ABLIM1: variants seen among roughly 807,000 people sequenced by gnomAD.
The protein encoded by ABLIM1 is actin binding LIM protein 1, also known as actin-binding LIM protein 1.
A neutral mutation model predicts 107.0 loss-of-function variants in ABLIM1; 40 were observed. That is an observed-to-expected ratio of 0.37 (90% CI 0.29 to 0.49). The LOEUF is 0.49. ABLIM1 is among the 20% of genes least tolerant of loss of function. The pLI, the probability that ABLIM1 is intolerant of heterozygous loss-of-function variation, is 0.97. For synonymous variants in ABLIM1, 357 were observed against 357.3 expected (o/e 1.00, Z 0.01); for missense variants, 857 against 1,008.5 (o/e 0.85, Z 2.04).
chr10:114,689,425 G>A (rs1201612049), upstream of ABLIM1, among the ~76,000 whole-genome samples: 1 of 143,630 alleles, frequency 7.0e-6, no homozygotes. Context: ...GCAGTGGCTC[G>A]ATCTCGGCTC....
At chr10:114,736,476 T>C (rs973656490) in intron 1 of ABLIM1, among the ~76,000 whole-genome samples, 6 of 152,192 alleles carry the variant, frequency 3.9e-5, no homozygotes, top group Non-Finnish European at 7.3e-5. Flanking sequence ...ATAAAAGCAA[T>C]GATTATACAT....
chr10:114,759,783 C>T (rs1390494011), intron 1 of ABLIM1, among the ~76,000 whole-genome samples: 1 of 152,166 alleles, frequency 6.6e-6, no homozygotes, highest in African/African-American at 2.4e-5. Context: ...GGCATGCTGG[C>T]TAGAAACACT....
intron 1 of ABLIM1, among the ~76,000 whole-genome samples, chr10:114,740,466 T>C (rs2082264530): frequency 6.6e-6 from 1 of 152,012 alleles, no homozygotes; most frequent in Admixed American, 6.6e-5. Context: ...GAAATCTTTC[T>C]TACTCTACCG....
At chr10:114,588,030 A>G (rs2074385186) in intron 2 of ABLIM1, among the ~76,000 whole-genome samples, 2 of 152,212 alleles carry the variant, frequency 1.3e-5, no homozygotes, top group South Asian at 4.1e-4. Flanking sequence ...ATGAAGGCAG[A>G]GATCACGTCT....
At chr10:114,676,757 T>C in intron 1 of ABLIM1, among the ~76,000 whole-genome samples, 1 of 152,078 alleles carries the variant, frequency 6.6e-6, no homozygotes, top group East Asian at 1.9e-4. Context: ...CTTTTTTCTT[T>C]GAGATGGAGT....
chr10:114,684,772 T>G, exon 1 of ABLIM1: 1 of 958,276 alleles, frequency 1.0e-6, no homozygotes, highest in Non-Finnish European at 1.2e-6. Context: ...ATCACTATCA[T>G]TTCACAATAA....
intron 11 of ABLIM1, 77 bp downstream of exon 11, chr10:114,468,104 A>G (rs2065576560): frequency 1.5e-6 from 2 of 1,348,752 alleles, no homozygotes; most frequent in East Asian, 4.6e-5. Context: ...GTTCTTTTTC[A>G]AAAATCCCAG....
At chr10:114,440,057 T>A (rs370927978) in intron 20 of ABLIM1, 25 bp downstream of exon 20, 7 of 1,613,708 alleles carry the variant, frequency 4.3e-6, no homozygotes, top group African/African-American at 1.3e-5. Context: ...TGTGGCCAAT[T>A]CAAGAAAGAC....
intron 4 of ABLIM1, among the ~76,000 whole-genome samples, chr10:114,563,040 G>T (rs1320021505): frequency 6.6e-6 from 1 of 152,140 alleles, no homozygotes; most frequent in Non-Finnish European, 1.5e-5. Flanking sequence ...AAATTTAAGG[G>T]TTTCAGCCTT....
Position 114,571,389 on chromosome 10 carries a change from C to T in ABLIM1, c.581G>A (p.Gly194Glu). ...CTICKRPFPP[G>E]DRVTFNGRDC... ...TCTCCCATTGAATGTGACTCGGTCTCCGGGTGGAAACGGGCGCCTGGAGGC... is the reference window on the plus strand; with the variant it reads ...TCTCCCATTGAATGTGACTCGGTCTTCGGGTGGAAACGGGCGCCTGGAGGC... The change falls in exon 4 of 23, where the codon GGA (glycine) becomes GAA (glutamate). Residue 194 changes from glycine to glutamate, a missense_variant. Around this residue, in one of 5 missense-constraint regions of ABLIM1, gnomAD observed 381 missense variants for 506.9 expected, o/e 0.75. Coordinates refer to ENST00000533213, the MANE Select transcript of ABLIM1 (RefSeq NM_002313.7). 1 of 1,614,182 alleles carries T rather than the reference C, an allele frequency of 6.2e-7. No homozygotes were observed.
intron 1 of ABLIM1, among the ~76,000 whole-genome samples, chr10:114,753,518 T>A (rs1291003542): frequency 6.6e-6 from 1 of 152,196 alleles, no homozygotes; most frequent in Non-Finnish European, 1.5e-5. Flanking sequence ...CGTTATGCAG[T>A]CATAAAACAT....
chr10:114,552,169 A>G (rs557336121), intron 4 of ABLIM1, among the ~76,000 whole-genome samples: 1 of 152,328 alleles, frequency 6.6e-6, no homozygotes, highest in Admixed American at 6.5e-5. Context: ...GTCTTCACTC[A>G]AGCCTGACAC....
At chr10:114,680,330 C>T (rs2080692390) in intron 1 of ABLIM1, among the ~76,000 whole-genome samples, 2 of 152,214 alleles carry the variant, frequency 1.3e-5, no homozygotes, top group Admixed American at 6.5e-5. Context: ...CAAGATTACA[C>T]AGCTAGTAGG....
chr10:114,475,923 C>T (rs765771589), intron 8 of ABLIM1, among the ~76,000 whole-genome samples: 1 of 151,932 alleles, frequency 6.6e-6, no homozygotes, highest in African/African-American at 2.4e-5. Flanking sequence ...AGGAATAAGA[C>T]CTTGCCTTCT....
intron 1 of ABLIM1, among the ~76,000 whole-genome samples, chr10:114,726,181 T>TCTA (rs2081955227): frequency 6.6e-6 from 1 of 151,430 alleles, no homozygotes. Context: ...TTTAGAAATT[T>TCTA]GTTGTTGTTG....
chr10:114,582,069 T>C (rs1277190036), intron 2 of ABLIM1, among the ~76,000 whole-genome samples: 2 of 152,076 alleles, frequency 1.3e-5, no homozygotes, highest in Non-Finnish European at 2.9e-5. Flanking sequence ...AAAAAAGTCG[T>C]CAAACGGTCT....
chr10:114,770,183 C>G (rs1213173373), upstream of ABLIM1, among the ~76,000 whole-genome samples: 16 of 152,132 alleles, frequency 1.1e-4, no homozygotes, highest in Admixed American at 9.2e-4. Context: ...TCTCCAGATA[C>G]AGACTGAACA....
At chr10:114,779,504 C>T in the ABLIM1 span, 1 of 152,144 alleles carries the variant, frequency 6.6e-6, no homozygotes, top group Admixed American at 6.5e-5. Flanking sequence ...AAACTCACTA[C>T]TATTTGATGG....
chr10:114,603,024 A>C (rs1433221527), intron 1 of ABLIM1, among the ~76,000 whole-genome samples: 1 of 152,200 alleles, frequency 6.6e-6, no homozygotes, highest in Non-Finnish European at 1.5e-5. Context: ...GGGCCTCAGA[A>C]GGAGGAACAT....
Sources: gnomAD v4.1 joint callset for allele counts (sites outside exome capture counted in the v4.1 genomes callset) on GRCh38, gnomAD v4.1.1 for gene constraint, gnomAD v4.1.1 regional missense constraint, MANE v1.5 for transcripts, NCBI Gene and HGNC (gene_info 2026-07-23, HGNC 2026-07-21) for gene names.